FABP7: variants seen among roughly 807,000 people sequenced by gnomAD.
FABP7 encodes fatty acid-binding protein, brain.
In FABP7, 13 loss-of-function variants were observed where a neutral mutation model predicts 14.2. The ratio of observed to expected loss-of-function variants is 0.91; its 90% CI spans 0.59 to 1.45. The LOEUF (loss-of-function observed/expected upper bound fraction) is 1.45, where lower values mean the gene tolerates loss of function less well. Among genes scored for constraint, FABP7 ranks in the 40% most tolerant of loss-of-function variants. The pLI is 0.00. For synonymous variants in FABP7, 49 were observed against 51.4 expected (o/e 0.95, Z 0.20); for missense variants, 149 against 157.6 (o/e 0.95, Z 0.29).
chr6:122,782,632 C>T (rs986817715), intron 3 of FABP7: 1 of 985,390 alleles, frequency 1.0e-6, no homozygotes, highest in Non-Finnish European at 1.2e-6. Flanking sequence ...GGTGGGTAGG[C>T]TCATTCAATT....
chr6:122,761,984 C>T, the FABP7 span, among the ~76,000 whole-genome samples: 5 of 152,064 alleles, frequency 3.3e-5, no homozygotes, highest in African/African-American at 1.2e-4. Context: ...GTTACCATTC[C>T]TTCTGAAACT....
the FABP7 span, among the ~76,000 whole-genome samples, chr6:122,753,966 C>T: frequency 1.3e-5 from 2 of 152,096 alleles, no homozygotes; most frequent in Admixed American, 6.5e-5. Context: ...GCCAGTCTTC[C>T]ATCTGCCACG....
chr6:122,753,789 C>G, the FABP7 span, among the ~76,000 whole-genome samples: 1 of 91,416 alleles, frequency 1.1e-5, no homozygotes, highest in African/African-American at 4.4e-5. Context: ...ATCCCGCCCC[C>G]CCCCCGCCCA....
At chr6:122,779,297 T>G (rs1457187038), upstream of FABP7, among the ~76,000 whole-genome samples, 1 of 151,970 alleles carries the variant, frequency 6.6e-6, no homozygotes, top group Admixed American at 6.6e-5. Flanking sequence ...TTAAGGGGGG[T>G]CCTCATTTGT....
the FABP7 span, among the ~76,000 whole-genome samples, chr6:122,751,908 G>GGTC: frequency 6.6e-6 from 1 of 151,998 alleles, no homozygotes; most frequent in Non-Finnish European, 1.5e-5. Flanking sequence ...CCCCAACCCA[G>GGTC]GTCATCTTTA....
chr6:122,749,410 AATG>A, the FABP7 span, among the ~76,000 whole-genome samples: 1 of 152,206 alleles, frequency 6.6e-6, no homozygotes, highest in Non-Finnish European at 1.5e-5. Context: ...ACATGACCAT[AATG>A]ATAATAGTGA....
At chr6:122,749,463 T>C in the FABP7 span, among the ~76,000 whole-genome samples, 1 of 152,244 alleles carries the variant, frequency 6.6e-6, no homozygotes. Flanking sequence ...TCTGTTTTTA[T>C]GTGTGAATAT....
At chr6:122,755,399 T>A in the FABP7 span, among the ~76,000 whole-genome samples, 1 of 151,424 alleles carries the variant, frequency 6.6e-6, no homozygotes, top group African/African-American at 2.4e-5. Flanking sequence ...GAATTTTTAC[T>A]TATAACCTTG....
chr6:122,750,708 AG>A, the FABP7 span, among the ~76,000 whole-genome samples: 2 of 152,224 alleles, frequency 1.3e-5, no homozygotes. Flanking sequence ...TAAACAAAGA[AG>A]ACAAGAAACT....
At chr6:122,752,346 A>T in the FABP7 span, among the ~76,000 whole-genome samples, 1 of 152,176 alleles carries the variant, frequency 6.6e-6, no homozygotes. Context: ...AAGTCCCTCA[A>T]TCATGCATGC....
the FABP7 span, among the ~76,000 whole-genome samples, chr6:122,760,434 T>C: frequency 6.6e-6 from 1 of 152,162 alleles, no homozygotes; most frequent in Non-Finnish European, 1.5e-5. Flanking sequence ...TTTATATTTA[T>C]AGTAAATTTC....
chr6:122,765,207 G>A, the FABP7 span, among the ~76,000 whole-genome samples: 1 of 151,956 alleles, frequency 6.6e-6, no homozygotes, highest in Non-Finnish European at 1.5e-5. Context: ...TGACATTACA[G>A]GCATCTTTTT....
upstream of FABP7, among the ~76,000 whole-genome samples, chr6:122,776,445 C>G (rs1780674302): frequency 6.6e-6 from 1 of 152,000 alleles, no homozygotes. Context: ...CTTTTTAACT[C>G]ATATGTGGGA....
At chr6:122,781,224 T>C in intron 3 of FABP7, 30 bp downstream of exon 3, 1 of 1,610,788 alleles carries the variant, frequency 6.2e-7, no homozygotes, top group Non-Finnish European at 8.5e-7. Context: ...CATTCTTCCT[T>C]GTTTTTTTCT....
the FABP7 span, among the ~76,000 whole-genome samples, chr6:122,771,609 A>G: frequency 3.1e-4 from 47 of 152,254 alleles, no homozygotes; most frequent in Non-Finnish European, 5.1e-4. Context: ...AAACTCTCCT[A>G]CTCTTGCATT....
At chr6:122,764,171 G>A in the FABP7 span, among the ~76,000 whole-genome samples, 20 of 152,288 alleles carry the variant, frequency 1.3e-4, no homozygotes, top group Admixed American at 1.0e-3. Context: ...GGATTCAGAA[G>A]ATGTGGCACG....
the FABP7 span, among the ~76,000 whole-genome samples, chr6:122,755,490 G>A: frequency 7.6e-5 from 10 of 132,074 alleles, no homozygotes; most frequent in Admixed American, 1.7e-4. Flanking sequence ...ACGGAGTCTC[G>A]CTCTGTAGCC....
At chr6:122,781,745 T>A in intron 3 of FABP7, 1 of 940,724 alleles carries the variant, frequency 1.1e-6, no homozygotes, top group Non-Finnish European at 1.3e-6. Flanking sequence ...TAACCCTTTT[T>A]TTTTTTTTTT....
At chr6:122,764,852 G>A in the FABP7 span, among the ~76,000 whole-genome samples, 1 of 152,136 alleles carries the variant, frequency 6.6e-6, no homozygotes, top group Non-Finnish European at 1.5e-5. Context: ...TGATTTGACA[G>A]CAAAACTTGA....
Sources: gnomAD v4.1 joint callset for allele counts (sites outside exome capture counted in the v4.1 genomes callset) on GRCh38, gnomAD v4.1.1 for gene constraint, MANE v1.5 for transcripts, NCBI Gene and HGNC (gene_info 2026-07-23, HGNC 2026-07-21) for gene names.